Variants in NALF1 observed in about 807,000 individuals in gnomAD.
The protein encoded by NALF1 is NALCN channel auxiliary factor 1.
A neutral mutation model predicts 48.4 loss-of-function variants in NALF1; 3 were observed. The observed-to-expected ratio is 0.06, with a 90% confidence interval of 0.03 to 0.16. The LOEUF (loss-of-function observed/expected upper bound fraction) is 0.16, where lower values mean the gene tolerates loss of function less well. Ranked by LOEUF, NALF1 falls within the 10% of genes least tolerant of loss-of-function variation. NALF1 has a pLI of 1.00. For synonymous variants in NALF1, 262 were observed against 245.7 expected, an observed-to-expected ratio of 1.07 and a Z score of -0.62; for missense variants, 526 against 571.5, an observed-to-expected ratio of 0.92 and a Z score of 0.81.
chr13:107,272,887 T>C (rs1240177522), intron 1 of NALF1, among the ~76,000 whole-genome samples: 7 of 152,148 alleles, frequency 4.6e-5, no homozygotes, highest in East Asian at 1.9e-4. Context: ...TATACGTGTA[T>C]AAACTACAAT....
At chr13:107,363,996 G>C (rs1883108764) in intron 1 of NALF1, among the ~76,000 whole-genome samples, 1 of 152,166 alleles carries the variant, frequency 6.6e-6, no homozygotes, top group Non-Finnish European at 1.5e-5. Flanking sequence ...TTTGCTCATT[G>C]CATTTTCTGA....
intron 2 of NALF1, among the ~76,000 whole-genome samples, chr13:107,181,765 T>A (rs1039032778): frequency 6.6e-6 from 1 of 152,098 alleles, no homozygotes; most frequent in East Asian, 1.9e-4. Context: ...ATTATGTCTG[T>A]AGGCACAGAA....
chr13:107,309,019 G>T (rs1359914093), intron 1 of NALF1, among the ~76,000 whole-genome samples: 2 of 152,170 alleles, frequency 1.3e-5, no homozygotes, highest in South Asian at 2.1e-4. Context: ...AATACGTTTT[G>T]TCTGCTTGTT....
intron 1 of NALF1, among the ~76,000 whole-genome samples, chr13:107,273,429 G>A (rs1272350582): frequency 1.3e-5 from 2 of 152,122 alleles, no homozygotes; most frequent in Non-Finnish European, 1.5e-5. Flanking sequence ...TTTGTTACAG[G>A]TGCCTCAGCC....
intron 1 of NALF1, among the ~76,000 whole-genome samples, chr13:107,777,096 A>G (rs1376874379): frequency 6.6e-6 from 1 of 152,166 alleles, no homozygotes; most frequent in Non-Finnish European, 1.5e-5. Context: ...TGTCTCAAAC[A>G]AACGAACGAA....
At chr13:107,659,842 GCT>G (rs1880681895) in intron 1 of NALF1, among the ~76,000 whole-genome samples, 1 of 149,018 alleles carries the variant, frequency 6.7e-6, no homozygotes, top group South Asian at 2.1e-4. Context: ...ATGTAGTCTC[GCT>G]CTGTTGCCCA....
At chr13:107,767,967 G>C (rs568586129) in intron 1 of NALF1, among the ~76,000 whole-genome samples, 83 of 152,200 alleles carry the variant, frequency 5.5e-4, no homozygotes, top group African/African-American at 1.9e-3. Context: ...AATGATCCCC[G>C]GGCAGTCAAT....
intron 1 of NALF1, among the ~76,000 whole-genome samples, chr13:107,634,985 A>G (rs1344300929): frequency 1.2e-4 from 19 of 152,176 alleles, no homozygotes; most frequent in Admixed American, 1.2e-3. Context: ...GGTGACAGGT[A>G]TATTTGTAAA....
chr13:107,206,742 G>A (rs1566450896), intron 2 of NALF1, among the ~76,000 whole-genome samples: 1 of 152,200 alleles, frequency 6.6e-6, no homozygotes, highest in Non-Finnish European at 1.5e-5. Context: ...CATGCCACTG[G>A]TTTGTCACTA....
At chr13:107,529,562 C>T (rs993908038) in intron 1 of NALF1, among the ~76,000 whole-genome samples, 1 of 152,148 alleles carries the variant, frequency 6.6e-6, no homozygotes, top group African/African-American at 2.4e-5. Flanking sequence ...GTGTGCAATT[C>T]AGTGGTCTAA....
At chr13:107,827,180 A>G (rs1215207415) in intron 1 of NALF1, among the ~76,000 whole-genome samples, 2 of 152,194 alleles carry the variant, frequency 1.3e-5, no homozygotes, top group Non-Finnish European at 2.9e-5. Context: ...AATCAAATCA[A>G]TATTATTTGA....
At chr13:107,638,149 A>C (rs985116326) in intron 1 of NALF1, among the ~76,000 whole-genome samples, 1 of 146,168 alleles carries the variant, frequency 6.8e-6, no homozygotes, top group African/African-American at 2.5e-5. Flanking sequence ...CCTATATATG[A>C]AAGCACTTGG....
chr13:107,429,023 T>A (rs981603819), intron 1 of NALF1, among the ~76,000 whole-genome samples: 2 of 152,160 alleles, frequency 1.3e-5, no homozygotes, highest in African/African-American at 4.8e-5. Flanking sequence ...TATTCACATC[T>A]TTAAAAGAAA....
At chr13:107,776,430 A>G (rs1877731396) in intron 1 of NALF1, among the ~76,000 whole-genome samples, 1 of 152,210 alleles carries the variant, frequency 6.6e-6, no homozygotes, top group African/African-American at 2.4e-5. Context: ...GGAAGCTTTC[A>G]GTAATAATAT....
chr13:107,661,444 G>C (rs892116944), intron 1 of NALF1, among the ~76,000 whole-genome samples: 1 of 152,142 alleles, frequency 6.6e-6, no homozygotes, highest in African/African-American at 2.4e-5. Context: ...CAAGGATGTA[G>C]AGAAGACGTT....
At chr13:107,827,392 C>G (rs986286862) in intron 1 of NALF1, among the ~76,000 whole-genome samples, 2 of 152,154 alleles carry the variant, frequency 1.3e-5, no homozygotes, top group Non-Finnish European at 2.9e-5. Flanking sequence ...TTCATTATGT[C>G]TTTCCTTCAG....
In NALF1 at chr13:107,753,571, C is replaced by A. The variant is rs987252335; in HGVS notation, c.915+112111G>T. On this transcript the variant is annotated intron_variant, in intron 1 of 2. Coordinates refer to ENST00000375915, the MANE Select transcript of NALF1 (RefSeq NM_001080396.3). ...TTTGCAAAACCTCAACCTGGGAGAA[C>A]TTTCTTAAAGCACATAAAACTCATT... 1.1e-4 allele frequency among the ~76,000 whole-genome samples: 17 copies of A among 150,624 alleles called. 1 individual carries two copies. In the Admixed American group the frequency reaches 1.1e-3, roughly 10 times the overall value.
At chr13:107,573,866 T>C (rs1279693249) in intron 1 of NALF1, among the ~76,000 whole-genome samples, 1 of 152,170 alleles carries the variant, frequency 6.6e-6, no homozygotes, top group Non-Finnish European at 1.5e-5. Context: ...CCACCATGAT[T>C]GTGAGTCTTC....
At chr13:107,181,469 C>CT (rs1312870094) in intron 2 of NALF1, among the ~76,000 whole-genome samples, 1 of 151,274 alleles carries the variant, frequency 6.6e-6, no homozygotes, top group African/African-American at 2.4e-5. Context: ...TACTTGAGTG[C>CT]TTTTTTGCTG....
Sources: allele counts gnomAD v4.1 joint callset (sites outside exome capture counted in the v4.1 genomes callset), GRCh38; gene constraint gnomAD v4.1.1; transcripts MANE v1.5; gene names NCBI Gene and HGNC (gene_info 2026-07-23, HGNC 2026-07-21).